The following PDZRN3 variants were observed in gnomAD, a reference collection of about 807,000 sequenced individuals.
The protein encoded by PDZRN3 is PDZ domain containing ring finger 3, also known as E3 ubiquitin-protein ligase PDZRN3.
In PDZRN3, 38 loss-of-function variants were observed where a neutral mutation model predicts 85.7. That is an observed-to-expected ratio of 0.44 (90% CI 0.34 to 0.58). The LOEUF is 0.58. Among genes scored for constraint, PDZRN3 ranks in the 20% least tolerant of loss-of-function variants. PDZRN3 has a pLI of 0.01. For synonymous variants in PDZRN3, 759 were observed against 638.0 expected (o/e 1.19, Z -2.86); for missense variants, 1,629 against 1,506.4 (o/e 1.08, Z -1.35).
intron 3 of PDZRN3, among the ~76,000 whole-genome samples, chr3:73,435,145 C>A (rs1031859737): frequency 6.6e-6 from 1 of 152,222 alleles, no homozygotes; most frequent in Admixed American, 6.5e-5. Context: ...CCGAGACACA[C>A]CTGAGACGTG....
At chr3:73,605,225 T>C (rs181709353) in intron 2 of PDZRN3, among the ~76,000 whole-genome samples, 331 of 149,672 alleles carry the variant, frequency 2.2e-3, no homozygotes, top group Non-Finnish European at 3.3e-3. Flanking sequence ...AAAAAAAAGC[T>C]AGATTTCTCT....
At chr3:73,417,515 T>C (rs1018785172) in intron 3 of PDZRN3, among the ~76,000 whole-genome samples, 19 of 152,238 alleles carry the variant, frequency 1.2e-4, no homozygotes, top group African/African-American at 4.3e-4. Flanking sequence ...ACTAACTTTA[T>C]GTTTGTCCTA....
intron 3 of PDZRN3, among the ~76,000 whole-genome samples, chr3:73,440,668 T>C (rs1422084209): frequency 6.6e-6 from 1 of 152,132 alleles, no homozygotes; most frequent in Non-Finnish European, 1.5e-5. Flanking sequence ...ACCCCTGAAA[T>C]GCCTATGACA....
intron 8 of PDZRN3, among the ~76,000 whole-genome samples, chr3:73,386,226 C>CTTTTTTTTTTTTTTTTTTTTTTTTTTT (rs71126867): frequency 1.1e-5 from 1 of 90,730 alleles, no homozygotes; most frequent in African/African-American, 4.1e-5. Flanking sequence ...CAAGATATCA[C>CTTTTTTTTTTTTTTTTTTTTTTTTTTT]TTTTTTTTTT....
intron 3 of PDZRN3, among the ~76,000 whole-genome samples, chr3:73,506,071 T>C (rs1411998091): frequency 1.3e-5 from 2 of 152,124 alleles, no homozygotes; most frequent in Non-Finnish European, 2.9e-5. Context: ...TCCACTGTGA[T>C]CCCCTCCATC....
chr3:73,446,820 C>G (rs1330069919), intron 3 of PDZRN3, among the ~76,000 whole-genome samples: 1 of 151,910 alleles, frequency 6.6e-6, no homozygotes. Flanking sequence ...AATACTGAAT[C>G]CTACTGCATC....
intron 4 of PDZRN3, chr3:73,402,392 G>A (rs545798089): frequency 1.3e-3 from 197 of 152,326 alleles, no homozygotes; most frequent in African/African-American, 4.5e-3. Flanking sequence ...AGGATGGAAT[G>A]GGTCACTACA....
chr3:73,527,817 C>T (rs992785232), intron 3 of PDZRN3, among the ~76,000 whole-genome samples: 2 of 152,154 alleles, frequency 1.3e-5, no homozygotes, highest in African/African-American at 4.8e-5. Flanking sequence ...AATCACTTTT[C>T]ATGTCATGTC....
At chr3:73,588,207 G>C (rs1002780656) in intron 3 of PDZRN3, among the ~76,000 whole-genome samples, 2 of 152,096 alleles carry the variant, frequency 1.3e-5, no homozygotes, top group Non-Finnish European at 2.9e-5. Flanking sequence ...TCCTGTGTTA[G>C]TTTGCTGAGG....
intron 5 of PDZRN3, among the ~76,000 whole-genome samples, chr3:73,400,219 A>G (rs1701721630): frequency 6.6e-6 from 1 of 152,214 alleles, no homozygotes; most frequent in African/African-American, 2.4e-5. Flanking sequence ...TTGAAATATA[A>G]AAGTGTTTTC....
chr3:73,497,758 T>C (rs1703893899), intron 3 of PDZRN3, among the ~76,000 whole-genome samples: 1 of 151,946 alleles, frequency 6.6e-6, no homozygotes, highest in Non-Finnish European at 1.5e-5. Flanking sequence ...TATCTAGGGA[T>C]ATAAGGGAGG....
chr3:73,407,190 T>G (rs776259837), intron 3 of PDZRN3, among the ~76,000 whole-genome samples: 1 of 152,212 alleles, frequency 6.6e-6, no homozygotes, highest in South Asian at 2.1e-4. Flanking sequence ...TTGTCCATCC[T>G]TAAACTAGGA....
At position 73,439,252 on chromosome 3, in the gene PDZRN3, C is replaced by A. The variant is rs74506672; in HGVS notation, c.919-34857G>T. Among the ~76,000 whole-genome samples the A allele has an allele frequency of 5.4e-3, 823 of 152,328 alleles. 10 individuals carry two copies. The highest frequency in any genetic ancestry group is 0.019 in the African/African-American group (782 of 41,564). On this transcript the variant is annotated intron_variant, in intron 3 of 9. Transcript: ENST00000263666. ...AGATACATACTGAGGGCCTGCTCAGCACCAGTCACTTTTCTGGGCTTTGGG... is the reference window on the plus strand; with the variant it reads ...AGATACATACTGAGGGCCTGCTCAGAACCAGTCACTTTTCTGGGCTTTGGG...
intron 3 of PDZRN3, among the ~76,000 whole-genome samples, chr3:73,579,989 T>A (rs902509652): frequency 2.0e-5 from 3 of 152,126 alleles, no homozygotes; most frequent in African/African-American, 2.4e-5. Flanking sequence ...GCCTTTCACA[T>A]CCCCAAGAAG....
At chr3:73,595,500 T>G (rs1259676469) in intron 3 of PDZRN3, among the ~76,000 whole-genome samples, 2 of 152,130 alleles carry the variant, frequency 1.3e-5, no homozygotes, top group East Asian at 3.8e-4. Context: ...TTCCTGTGTA[T>G]AGTTAAGCAA....
intron 3 of PDZRN3, among the ~76,000 whole-genome samples, chr3:73,471,713 T>TC (rs1703344336): frequency 1.3e-5 from 2 of 152,364 alleles, no homozygotes; most frequent in Admixed American, 6.5e-5. Flanking sequence ...TCTTGGCCTC[T>TC]CAGTCCACAT....
chr3:73,447,571 C>T (rs1462042389), intron 3 of PDZRN3, among the ~76,000 whole-genome samples: 1 of 152,148 alleles, frequency 6.6e-6, no homozygotes, highest in East Asian at 1.9e-4. Context: ...TATAGCTGTC[C>T]CATCTGGGGT....
Position 73,624,328 on chromosome 3 carries a change from C to T in PDZRN3, c.498G>A (p.Leu166=), listed in dbSNP as rs1225143724. The T allele has an allele frequency of 3.6e-5, 47 of 1,311,448 alleles. No homozygotes were observed. The highest frequency in any genetic ancestry group is 4.4e-5 in the Non-Finnish European group (46 of 1,037,732). The allele number at this position is 1,311,448 out of a possible 1,614,324, so 81.2% of individuals were successfully genotyped here. A position where few individuals can be genotyped will look rare whatever the true frequency, so the allele number is the denominator to read the frequency against. ...RAGGHCCARA[L]RAHNGALQAR... ...CCTGGAGCGCGCCGTTGTGCGCCCG[C>T]AGCGCTCGCGCGCAGCAGTGGCCGC... Residue 166 remains leucine, a synonymous_variant, in exon 1 of 10, where the codon CTG becomes CTA. Coordinates refer to ENST00000263666, the MANE Select transcript of PDZRN3 (RefSeq NM_015009.3).
chr3:73,510,516 G>C (rs1704145273), intron 3 of PDZRN3, among the ~76,000 whole-genome samples: 1 of 152,206 alleles, frequency 6.6e-6, no homozygotes, highest in Non-Finnish European at 1.5e-5. Flanking sequence ...GCCTGAGTCA[G>C]AAGGAAATTT....
Sources: allele counts gnomAD v4.1 joint callset (sites outside exome capture counted in the v4.1 genomes callset), GRCh38; gene constraint gnomAD v4.1.1; transcripts MANE v1.5; gene names NCBI Gene and HGNC (gene_info 2026-07-23, HGNC 2026-07-21).